Variants in MNAT1 observed in about 807,000 individuals in gnomAD.
The protein encoded by MNAT1 is MNAT1 component of CDK activating kinase, also known as CDK-activating kinase assembly factor MAT1.
In MNAT1, 43 loss-of-function variants were observed where a neutral mutation model predicts 42.0. That is an observed-to-expected ratio of 1.02 (90% CI 0.80 to 1.32). The LOEUF (loss-of-function observed/expected upper bound fraction) is 1.32. Ranked by LOEUF, MNAT1 falls within the 40% of genes most tolerant of loss-of-function variation. The probability of loss-of-function intolerance (pLI) is 0.00; values close to 1 mark genes in which losing one functional copy is unlikely to be tolerated. For synonymous variants in MNAT1, 118 were observed against 120.0 expected, an observed-to-expected ratio of 0.98 and a Z score of 0.11; for missense variants, 306 against 350.4, an observed-to-expected ratio of 0.87 and a Z score of 1.01.
intron 1 of MNAT1, among the ~76,000 whole-genome samples, chr14:60,744,739 G>A (rs1271365682): frequency 1.3e-5 from 2 of 152,074 alleles, no homozygotes; most frequent in Non-Finnish European, 2.9e-5. Context: ...ACTTGTTGGG[G>A]CTTGATTTTA....
chr14:60,916,569 C>T (rs1378976535), intron 7 of MNAT1, among the ~76,000 whole-genome samples: 1 of 152,124 alleles, frequency 6.6e-6, no homozygotes, highest in African/African-American at 2.4e-5. Flanking sequence ...GTGGGAGGAT[C>T]ACTTGAGCCT....
chr14:60,930,950 G>A (rs930281790), intron 7 of MNAT1, among the ~76,000 whole-genome samples: 2 of 152,086 alleles, frequency 1.3e-5, no homozygotes, highest in Non-Finnish European at 2.9e-5. Context: ...CTTAGTAATA[G>A]GTAGCTATGG....
intron 7 of MNAT1, among the ~76,000 whole-genome samples, chr14:60,927,960 A>G (rs2139564066): frequency 6.6e-6 from 1 of 152,290 alleles, no homozygotes; most frequent in South Asian, 2.1e-4. Context: ...TTTGTACCAA[A>G]CCTGACTACA....
chr14:60,766,421 A>C (rs573046076), intron 1 of MNAT1, among the ~76,000 whole-genome samples: 70 of 152,168 alleles, frequency 4.6e-4, no homozygotes, highest in African/African-American at 1.7e-3. Context: ...TTGTTTTAAA[A>C]ATCTTTTTGT....
chr14:60,918,735 A>AATATATATATATAT (rs140364759), intron 7 of MNAT1, among the ~76,000 whole-genome samples: 3 of 18,456 alleles, frequency 1.6e-4, no homozygotes, highest in East Asian at 4.6e-3. Context: ...TCCAGATGAG[A>AATATATATATATAT]ATATATATAT....
intron 3 of MNAT1, among the ~76,000 whole-genome samples, chr14:60,800,471 C>A (rs188529641): frequency 3.9e-5 from 6 of 152,128 alleles, no homozygotes; most frequent in Non-Finnish European, 8.8e-5. Flanking sequence ...GTCTAGGAGT[C>A]CAAGGCTACA....
chr14:60,800,715 ATG>A (rs2032176158), intron 3 of MNAT1, among the ~76,000 whole-genome samples: 1 of 152,212 alleles, frequency 6.6e-6, no homozygotes, highest in Admixed American at 6.5e-5. Context: ...AGACAGGTGT[ATG>A]TGTGTGTTTC....
intron 1 of MNAT1, among the ~76,000 whole-genome samples, chr14:60,784,639 A>G (rs1284899580): frequency 6.6e-6 from 1 of 150,590 alleles, no homozygotes; most frequent in African/African-American, 2.4e-5. Context: ...TGCCTGGCTA[A>G]TTTTTAGTAG....
intron 5 of MNAT1, among the ~76,000 whole-genome samples, chr14:60,818,021 AT>A (rs1334614913): frequency 6.6e-6 from 1 of 151,978 alleles, no homozygotes; most frequent in South Asian, 2.1e-4. Context: ...TCTGGATATC[AT>A]TTAGTTTAGA....
chr14:60,798,950 T>G (rs571558860), intron 3 of MNAT1, among the ~76,000 whole-genome samples: 3 of 152,304 alleles, frequency 2.0e-5, no homozygotes, highest in Middle Eastern at 3.4e-3. Flanking sequence ...CAATATTTAC[T>G]ATTAAAAATA....
intron 3 of MNAT1, among the ~76,000 whole-genome samples, chr14:60,803,687 C>T (rs567163204): frequency 2.0e-5 from 3 of 152,206 alleles, no homozygotes; most frequent in South Asian, 4.2e-4. Flanking sequence ...TGAAGATAAA[C>T]GTTTAAATCT....
At chr14:60,864,982 C>T (rs1266223728) in intron 6 of MNAT1, among the ~76,000 whole-genome samples, 9 of 151,956 alleles carry the variant, frequency 5.9e-5, no homozygotes, top group South Asian at 2.1e-4. Flanking sequence ...TCAAATAGAA[C>T]GAGGACATTT....
At chr14:60,735,121 C>T (rs749424579) in intron 1 of MNAT1, among the ~76,000 whole-genome samples, 170 bp downstream of exon 1, 6 of 152,068 alleles carry the variant, frequency 3.9e-5, no homozygotes, top group Admixed American at 2.0e-4. Flanking sequence ...TAGCCGCTAG[C>T]CCCGAGCGGC....
chr14:60,926,993 A>G (rs1259968253), intron 7 of MNAT1, among the ~76,000 whole-genome samples: 1 of 152,202 alleles, frequency 6.6e-6, no homozygotes, highest in African/African-American at 2.4e-5. Context: ...GGAGTCAAAG[A>G]CCAAATATTA....
intron 7 of MNAT1, among the ~76,000 whole-genome samples, chr14:60,932,073 C>A (rs1413630621): frequency 6.6e-6 from 1 of 151,796 alleles, no homozygotes; most frequent in East Asian, 1.9e-4. Flanking sequence ...TAGTTTTAAT[C>A]AATTTTATAT....
rs537839102 is a variant in MNAT1 at position 60,968,477 on chromosome 14, A to G, written c.*128A>G. ...CACTAGCAGCTGTGTTAAAGTATTT[A>G]TAAGGAGAAAATTTCAGAACTAAGT... On this transcript the variant is annotated 3_prime_UTR_variant, in exon 8 of 8. Coordinates refer to ENST00000261245, the MANE Select transcript of MNAT1 (RefSeq NM_002431.4). 8 of 1,511,332 alleles carry G rather than the reference A, an allele frequency of 5.3e-6. No homozygotes were observed. The South Asian group carries it at 1.0e-4, about 19-fold the overall frequency. The allele number at this position is 1,511,332 out of a possible 1,614,324, so 93.6% of individuals were successfully genotyped here.
At chr14:60,906,305 G>A (rs1266730978) in intron 7 of MNAT1, among the ~76,000 whole-genome samples, 1 of 152,164 alleles carries the variant, frequency 6.6e-6, no homozygotes, top group Non-Finnish European at 1.5e-5. Context: ...GTCAAGACTT[G>A]GGTTTTTACT....
intron 1 of MNAT1, among the ~76,000 whole-genome samples, chr14:60,778,341 T>C (rs1358720692): frequency 6.6e-6 from 1 of 152,164 alleles, no homozygotes; most frequent in African/African-American, 2.4e-5. Flanking sequence ...AGTTTTGTAA[T>C]TGGAATCAAC....
At chr14:60,885,676 T>A (rs2034651340) in intron 7 of MNAT1, among the ~76,000 whole-genome samples, 1 of 152,080 alleles carries the variant, frequency 6.6e-6, no homozygotes, top group Non-Finnish European at 1.5e-5. Flanking sequence ...ATTGGATGTA[T>A]AGTTTGTATA....
Sources: allele counts gnomAD v4.1 joint callset (sites outside exome capture counted in the v4.1 genomes callset), GRCh38; gene constraint gnomAD v4.1.1; transcripts MANE v1.5; gene names NCBI Gene and HGNC (gene_info 2026-07-23, HGNC 2026-07-21).